TRAK1: variants seen among roughly 807,000 people sequenced by gnomAD.
TRAK1 encodes trafficking kinesin protein 1.
In TRAK1, 33 loss-of-function variants were observed where a neutral mutation model predicts 92.1. That is an observed-to-expected ratio of 0.36 (90% CI 0.27 to 0.48). The LOEUF (loss-of-function observed/expected upper bound fraction) is 0.48. Ranked by LOEUF, TRAK1 falls within the 20% of genes least tolerant of loss-of-function variation. TRAK1 has a pLI of 0.99. For missense variants in TRAK1, 1,123 were observed against 1,257.9 expected (o/e 0.89, Z 1.62); for synonymous variants, 521 against 517.3 (o/e 1.01, Z -0.10).
At chr3:42,139,058 G>A (rs1282130418) in intron 2 of TRAK1, among the ~76,000 whole-genome samples, 2 of 151,968 alleles carry the variant, frequency 1.3e-5, no homozygotes, top group African/African-American at 4.8e-5. Context: ...AGTTGGAAAG[G>A]GGATCTAATT....
chr3:42,125,394 T>G (rs1710427012), intron 1 of TRAK1, 26 bp from the exon 2 acceptor site: 1 of 1,603,566 alleles, frequency 6.2e-7, no homozygotes. Flanking sequence ...TTCTGGGCTC[T>G]CATTTCTTGG....
intron 2 of TRAK1, chr3:42,160,279 A>G (rs1701101213): frequency 1.3e-6 from 2 of 1,573,818 alleles, no homozygotes; most frequent in Admixed American, 1.8e-5. Flanking sequence ...CCAGGCCTGC[A>G]TGGCTCCTCT....
intron 2 of TRAK1, among the ~76,000 whole-genome samples, chr3:42,131,291 C>T (rs1251868214): frequency 1.3e-5 from 2 of 152,178 alleles, no homozygotes; most frequent in South Asian, 2.1e-4. Context: ...CTCCCAGTGC[C>T]TCACTTGCCC....
At chr3:42,047,075 A>G (rs1037853438) in intron 1 of TRAK1, among the ~76,000 whole-genome samples, 3 of 152,148 alleles carry the variant, frequency 2.0e-5, no homozygotes, top group Non-Finnish European at 4.4e-5. Context: ...AACATGGCCA[A>G]GGTATTAGCT....
intron 1 of TRAK1, among the ~76,000 whole-genome samples, chr3:42,106,063 A>T (rs1707514453): frequency 6.6e-6 from 1 of 152,334 alleles, no homozygotes; most frequent in African/African-American, 2.4e-5. Context: ...CACTGCAAAA[A>T]CATGCCAAAT....
intron 1 of TRAK1, among the ~76,000 whole-genome samples, chr3:42,105,262 A>G (rs1222779390): frequency 6.6e-6 from 1 of 152,162 alleles, no homozygotes; most frequent in Non-Finnish European, 1.5e-5. Flanking sequence ...CAGAAGCTAA[A>G]AGTCTTAAAA....
chr3:42,160,174 A>G lies in TRAK1; in HGVS notation c.287-16640A>G, dbSNP rs763263485. The G allele has an allele frequency of 4.4e-6, 5 of 1,148,046 alleles. No individual in the cohort carries two copies. In the South Asian group the frequency reaches 7.9e-5, roughly 18 times the overall value. The allele number at this position is 1,148,046 out of a possible 1,614,324, so 71.1% of individuals were successfully genotyped here. ...CCCCCTTCCGGGTCCTGCCCGGGTG[A>G]TGCTGGGCCAGGAGCTTTGTGTACA... On this transcript the variant is annotated intron_variant, in intron 2 of 15. Coordinates refer to ENST00000327628, the MANE Select transcript of TRAK1 (RefSeq NM_001042646.3).
chr3:42,140,140 A>G (rs1698466635), intron 2 of TRAK1, among the ~76,000 whole-genome samples: 1 of 152,132 alleles, frequency 6.6e-6, no homozygotes, highest in South Asian at 2.1e-4. Context: ...GCTCTGCCAA[A>G]TGCCATCTCC....
chr3:42,107,195 T>C (rs143858911), intron 1 of TRAK1, among the ~76,000 whole-genome samples: 4 of 152,252 alleles, frequency 2.6e-5, no homozygotes, highest in African/African-American at 9.6e-5. Context: ...AGAAATGTTT[T>C]TGGACAACAG....
intron 4 of TRAK1, chr3:42,185,037 G>C: frequency 5.9e-6 from 3 of 505,462 alleles, no homozygotes. Context: ...CCATGTGGAT[G>C]GGATGGCTAA....
At chr3:42,050,341 C>T (rs1354623779) in intron 1 of TRAK1, among the ~76,000 whole-genome samples, 3 of 152,112 alleles carry the variant, frequency 2.0e-5, no homozygotes, top group African/African-American at 7.2e-5. Flanking sequence ...GACCATTGCC[C>T]GGGCGTTCAG....
At chr3:42,089,544 C>T (rs73062457), upstream of TRAK1, among the ~76,000 whole-genome samples, 1,499 of 152,274 alleles carry the variant, frequency 9.8e-3, 12 homozygotes, top group Non-Finnish European at 0.016. Context: ...TCCAGGTACA[C>T]TGGCCGCCTC....
intron 1 of TRAK1, among the ~76,000 whole-genome samples, chr3:42,112,580 C>T (rs992380188): frequency 3.2e-4 from 49 of 151,226 alleles, no homozygotes; most frequent in Admixed American, 8.6e-4. Flanking sequence ...ACTAAAAATA[C>T]GAAAGTTAGC....
At chr3:42,053,205 CTCTG>C (rs1245423091) in intron 1 of TRAK1, among the ~76,000 whole-genome samples, 5 of 152,108 alleles carry the variant, frequency 3.3e-5, no homozygotes, top group African/African-American at 9.7e-5. Context: ...ACCTTATGGA[CTCTG>C]TCTGGCTGAC....
chr3:42,134,695 A>T (rs9682203), intron 2 of TRAK1, among the ~76,000 whole-genome samples: 93,389 of 149,466 alleles, frequency 0.62, 29,162 homozygotes, highest in South Asian at 0.77. Flanking sequence ...CACGCCATTC[A>T]CCTGCCTCAG....
chr3:42,032,979 G>T (rs932130299), intron 1 of TRAK1, among the ~76,000 whole-genome samples: 1 of 152,212 alleles, frequency 6.6e-6, no homozygotes, highest in East Asian at 1.9e-4. Flanking sequence ...AATTTTTCCT[G>T]TGGAGTTATG....
At chr3:42,159,467 A>G (rs2149294285) in intron 2 of TRAK1, among the ~76,000 whole-genome samples, 1 of 152,334 alleles carries the variant, frequency 6.6e-6, no homozygotes, top group East Asian at 1.9e-4. Context: ...ATCAAATGGT[A>G]TAGAGGAATT....
intron 1 of TRAK1, among the ~76,000 whole-genome samples, chr3:42,069,062 GCATGGTGGCT>G (rs1352027010): frequency 1.3e-5 from 2 of 151,922 alleles, no homozygotes; most frequent in African/African-American, 4.8e-5. Context: ...TGGAGGCTAG[GCATGGTGGCT>G]CATGTCTGTA....
chr3:42,097,023 C>T (rs552204066), intron 1 of TRAK1, among the ~76,000 whole-genome samples: 2 of 152,322 alleles, frequency 1.3e-5, no homozygotes, highest in Admixed American at 1.3e-4. Context: ...TCTGTGCATG[C>T]GTTTGTATGG....
Sources: gnomAD v4.1 joint callset for allele counts (sites outside exome capture counted in the v4.1 genomes callset) on GRCh38, gnomAD v4.1.1 for gene constraint, MANE v1.5 for transcripts, NCBI Gene and HGNC (gene_info 2026-07-23, HGNC 2026-07-21) for gene names.